The following KHDRBS2 variants were observed in gnomAD, a reference collection of about 807,000 sequenced individuals.
The protein encoded by KHDRBS2 is KH RNA binding domain containing, signal transduction associated 2, also known as KH domain-containing, RNA-binding, signal transduction-associated protein 2.
KHDRBS2 carries 26 observed loss-of-function variants against 44.3 expected under a neutral mutation model. The ratio of observed to expected loss-of-function variants is 0.59; its 90% CI spans 0.43 to 0.81. The LOEUF (loss-of-function observed/expected upper bound fraction) is 0.81. KHDRBS2 is among the 40% of genes least tolerant of loss of function. The probability of loss-of-function intolerance (pLI) is 0.00; values close to 1 mark genes in which losing one functional copy is unlikely to be tolerated. For synonymous variants in KHDRBS2, 194 were observed against 151.1 expected (o/e 1.28, Z -2.08); for missense variants, 476 against 433.1 (o/e 1.10, Z -0.88).
At position 61,875,262 on chromosome 6, in the gene KHDRBS2, G is replaced by C. The variant is rs543265526; in HGVS notation, c.810+19373C>G. 2.6e-5 allele frequency among the ~76,000 whole-genome samples: 4 copies of C among 152,030 alleles called. No homozygotes were observed. In the East Asian group the frequency reaches 5.8e-4, roughly 22 times the overall value. ...TTCCATGCAGAGTAAAATCAGGGAG[G>C]TGCGGAAACCCATATAATGTTCTGT... On this transcript the variant is annotated intron_variant, in intron 6 of 8. Coordinates refer to ENST00000281156, the MANE Select transcript of KHDRBS2 (RefSeq NM_152688.4).
At chr6:61,545,786 A>G in the KHDRBS2 span, among the ~76,000 whole-genome samples, 1 of 151,974 alleles carries the variant, frequency 6.6e-6, no homozygotes, top group African/African-American at 2.4e-5. Context: ...TGAGATCATA[A>G]GGGTGGTAGG....
At chr6:61,972,560 T>G (rs1332294479) in intron 4 of KHDRBS2, among the ~76,000 whole-genome samples, 1 of 152,204 alleles carries the variant, frequency 6.6e-6, no homozygotes, top group Non-Finnish European at 1.5e-5. Flanking sequence ...GGTTTTGAGA[T>G]AGCAGTATGA....
the KHDRBS2 span, among the ~76,000 whole-genome samples, chr6:61,608,356 AC>A: frequency 5.9e-5 from 9 of 151,662 alleles, no homozygotes; most frequent in Non-Finnish European, 1.3e-4. Flanking sequence ...GTGTGTGTAC[AC>A]CTGTAAAGGG....
chr6:61,601,426 T>C, the KHDRBS2 span, among the ~76,000 whole-genome samples: 1 of 152,140 alleles, frequency 6.6e-6, no homozygotes, highest in Non-Finnish European at 1.5e-5. Context: ...CATCTTATTT[T>C]CTTCTGCAAC....
chr6:62,270,165 C>A (rs1362690120), intron 1 of KHDRBS2, among the ~76,000 whole-genome samples: 1 of 152,008 alleles, frequency 6.6e-6, no homozygotes, highest in Non-Finnish European at 1.5e-5. Context: ...GTGTTTGGAT[C>A]CATGGGAGTG....
chr6:62,272,355 A>C (rs1322275150), intron 1 of KHDRBS2, among the ~76,000 whole-genome samples: 1 of 152,176 alleles, frequency 6.6e-6, no homozygotes, highest in East Asian at 1.9e-4. Flanking sequence ...AATGATACAC[A>C]AGCACATCCT....
chr6:61,752,661 T>C (rs1777870139), intron 6 of KHDRBS2, among the ~76,000 whole-genome samples: 1 of 127,058 alleles, frequency 7.9e-6, no homozygotes, highest in Admixed American at 9.2e-5. Context: ...ATTCTAGTGA[T>C]TGTGGTATAC....
intron 6 of KHDRBS2, among the ~76,000 whole-genome samples, chr6:61,847,766 G>A (rs1389078627): frequency 6.6e-6 from 1 of 151,902 alleles, no homozygotes; most frequent in Admixed American, 6.6e-5. Context: ...TCCGGATTGG[G>A]AGAATATTTT....
At chr6:62,039,690 C>T (rs187296833) in intron 3 of KHDRBS2, among the ~76,000 whole-genome samples, 9 of 152,082 alleles carry the variant, frequency 5.9e-5, no homozygotes, top group Admixed American at 1.3e-4. Flanking sequence ...CACAAAAATA[C>T]CATATTGAAC....
chr6:62,080,656 C>G (rs1473959311), intron 2 of KHDRBS2, among the ~76,000 whole-genome samples: 2 of 152,002 alleles, frequency 1.3e-5, no homozygotes, highest in East Asian at 3.9e-4. Context: ...CTCAATTTGT[C>G]CATTTAGACC....
chr6:61,627,377 T>C, the KHDRBS2 span, among the ~76,000 whole-genome samples: 18 of 152,048 alleles, frequency 1.2e-4, no homozygotes, highest in African/African-American at 3.9e-4. Context: ...TATGGTTTAT[T>C]AGCATAAACA....
At chr6:62,117,239 T>A (rs974209090) in intron 2 of KHDRBS2, among the ~76,000 whole-genome samples, 5 of 152,282 alleles carry the variant, frequency 3.3e-5, no homozygotes, top group South Asian at 4.1e-4. Flanking sequence ...AGTCTTTTCA[T>A]TTTTCTACAT....
At chr6:61,985,654 A>G (rs1562585988) in intron 3 of KHDRBS2, among the ~76,000 whole-genome samples, 1 of 152,182 alleles carries the variant, frequency 6.6e-6, no homozygotes, top group Non-Finnish European at 1.5e-5. Flanking sequence ...ACCTCGTTAT[A>G]TGTAAAAATT....
chr6:61,942,942 AAAAGAAAG>A (rs1033859179), intron 4 of KHDRBS2, among the ~76,000 whole-genome samples: 44 of 150,872 alleles, frequency 2.9e-4, no homozygotes, highest in African/African-American at 1.0e-3. Flanking sequence ...AAGAAAAAGA[AAAAGAAAG>A]AAAGAAAGAG....
At chr6:61,599,199 G>T in the KHDRBS2 span, among the ~76,000 whole-genome samples, 1 of 152,076 alleles carries the variant, frequency 6.6e-6, no homozygotes, top group East Asian at 1.9e-4. Flanking sequence ...CTCCCAAAGT[G>T]CTGGGATAAA....
chr6:61,602,364 G>A, the KHDRBS2 span, among the ~76,000 whole-genome samples: 2 of 152,112 alleles, frequency 1.3e-5, no homozygotes, highest in Non-Finnish European at 2.9e-5. Flanking sequence ...CCTACCCCAG[G>A]ATCTTGCTAC....
intron 2 of KHDRBS2, among the ~76,000 whole-genome samples, chr6:62,067,514 T>C (rs1358013376): frequency 1.3e-5 from 2 of 151,546 alleles, no homozygotes; most frequent in Non-Finnish European, 3.0e-5. Flanking sequence ...GATGATTTTA[T>C]GAACAGTATA....
chr6:61,584,782 G>A, the KHDRBS2 span, among the ~76,000 whole-genome samples: 1 of 151,794 alleles, frequency 6.6e-6, no homozygotes, highest in African/African-American at 2.4e-5. Flanking sequence ...CTGAAGTAGA[G>A]ATTGGGAATA....
At chr6:61,544,286 C>CCAAATTAACTAGTAGCTT in the KHDRBS2 span, among the ~76,000 whole-genome samples, 1 of 151,908 alleles carries the variant, frequency 6.6e-6, no homozygotes, top group Non-Finnish European at 1.5e-5. Context: ...ATTATTCTTA[C>CCAAATTAACTAGTAGCTT]CAAATTAACT....
Sources: allele counts gnomAD v4.1 joint callset (sites outside exome capture counted in the v4.1 genomes callset), GRCh38; gene constraint gnomAD v4.1.1; transcripts MANE v1.5; gene names NCBI Gene and HGNC (gene_info 2026-07-23, HGNC 2026-07-21).